Variants in ZNF385B observed in about 807,000 individuals in gnomAD.
ZNF385B encodes the protein zinc finger protein 385B, also known as zinc finger protein 533.
Under a neutral mutation model 39.2 loss-of-function variants are expected in ZNF385B, and 23 were observed. The ratio of observed to expected loss-of-function variants is 0.59; its 90% CI spans 0.42 to 0.83. The LOEUF (loss-of-function observed/expected upper bound fraction) is 0.83, where lower values mean the gene tolerates loss of function less well. ZNF385B is among the 40% of genes least tolerant of loss of function. ZNF385B has a pLI of 0.00. For synonymous variants in ZNF385B, 205 were observed against 222.6 expected (o/e 0.92, Z 0.70); for missense variants, 552 against 598.9 (o/e 0.92, Z 0.82).
chr2:179,679,727 T>C (rs1319831769), intron 3 of ZNF385B, among the ~76,000 whole-genome samples: 2 of 152,106 alleles, frequency 1.3e-5, no homozygotes, highest in African/African-American at 4.8e-5. Flanking sequence ...GTGAATCACC[T>C]CCCACCCCTA....
intron 3 of ZNF385B, among the ~76,000 whole-genome samples, chr2:179,711,120 C>T (rs891326325): frequency 2.6e-5 from 4 of 152,176 alleles, no homozygotes; most frequent in Non-Finnish European, 4.4e-5. Context: ...TGGCCCTGGA[C>T]ATCTTAACTG....
At chr2:179,770,787 A>G (rs755942128) in intron 1 of ZNF385B, 115 bp from the exon 2 acceptor site, 5 of 152,218 alleles carry the variant, frequency 3.3e-5, no homozygotes, top group Non-Finnish European at 5.9e-5. Flanking sequence ...GTTTGTTTAG[A>G]TAAGAGTACA....
At chr2:179,711,630 A>G (rs56142641) in intron 3 of ZNF385B, among the ~76,000 whole-genome samples, 30,118 of 152,024 alleles carry the variant, frequency 0.2, 3,563 homozygotes, top group East Asian at 0.5. Flanking sequence ...AGGAACATCT[A>G]AATCCCGGCC....
intron 3 of ZNF385B, among the ~76,000 whole-genome samples, chr2:179,652,302 CTAAAAACA>C (rs1235067244): frequency 2.0e-5 from 3 of 152,088 alleles, no homozygotes; most frequent in African/African-American, 7.2e-5. Flanking sequence ...CCAATGATGT[CTAAAAACA>C]TACTTTCTTC....
chr2:179,655,459 GTATTAAA>G (rs1175724150), intron 3 of ZNF385B, among the ~76,000 whole-genome samples: 1 of 149,530 alleles, frequency 6.7e-6, no homozygotes, highest in African/African-American at 2.5e-5. Context: ...GTCTCTAGAG[GTATTAAA>G]TATTAATCTT....
intron 3 of ZNF385B, among the ~76,000 whole-genome samples, chr2:179,702,186 A>G (rs1699259982): frequency 6.6e-6 from 1 of 152,212 alleles, no homozygotes; most frequent in Admixed American, 6.5e-5. Context: ...TAACATTTAG[A>G]TAATTTTAAA....
chr2:179,462,510 T>C (rs12463394), intron 6 of ZNF385B, among the ~76,000 whole-genome samples: 18,221 of 152,062 alleles, frequency 0.12, 1,449 homozygotes, highest in East Asian at 0.33. Flanking sequence ...AAAATACAAC[T>C]GATAGAAGCC....
In ZNF385B at chr2:179,760,768, C is replaced by G. The variant is rs140302710; in HGVS notation, c.298+8735G>C. 7.6e-3 allele frequency among the ~76,000 whole-genome samples: 1,153 copies of G among 152,256 alleles called. 13 individuals carry two copies. Among genetic ancestry groups the G allele is most frequent in the Non-Finnish European group, 9.7e-3 (658 of 68,018 alleles). ...GAGATCTGAAGAAAAGACATAGACA[C>G]ACAGAGCAGAAGATGTTGTGAAAAC... On this transcript the variant is annotated intron_variant, in intron 3 of 9. Transcript: ENST00000410066.
chr2:179,757,421 G>A (rs1258407654), intron 3 of ZNF385B, among the ~76,000 whole-genome samples: 2 of 152,206 alleles, frequency 1.3e-5, no homozygotes, highest in African/African-American at 4.8e-5. Context: ...GGACCCACTT[G>A]AGGAGGCAGT....
At chr2:179,639,249 A>AAAGGG (rs71029824) in intron 3 of ZNF385B, among the ~76,000 whole-genome samples, 35 of 128,694 alleles carry the variant, frequency 2.7e-4, no homozygotes, top group Middle Eastern at 4.6e-3. Context: ...AAAAAAAAAA[A>AAAGGG]GGGGGAGAAA....
At chr2:179,509,240 T>G (rs1218277234) in intron 5 of ZNF385B, among the ~76,000 whole-genome samples, 1 of 152,210 alleles carries the variant, frequency 6.6e-6, no homozygotes, top group Non-Finnish European at 1.5e-5. Flanking sequence ...TTCTTTTTTT[T>G]CATTGATAAG....
chr2:179,451,657 T>G (rs1398674806), intron 6 of ZNF385B, among the ~76,000 whole-genome samples: 2 of 152,140 alleles, frequency 1.3e-5, no homozygotes, highest in Non-Finnish European at 2.9e-5. Flanking sequence ...TTTACCCTAT[T>G]TAGGAAATTC....
At chr2:179,561,160 AAGT>A (rs2061311705) in intron 3 of ZNF385B, among the ~76,000 whole-genome samples, 1 of 152,230 alleles carries the variant, frequency 6.6e-6, no homozygotes, top group Non-Finnish European at 1.5e-5. Flanking sequence ...ACACCACAAT[AAGT>A]AGTTTTCTAA....
chr2:179,451,354 G>C (rs2050135196), intron 6 of ZNF385B, among the ~76,000 whole-genome samples: 1 of 151,932 alleles, frequency 6.6e-6, no homozygotes, highest in Non-Finnish European at 1.5e-5. Context: ...AGAAATCTTG[G>C]GGTTTTCTTG....
At chr2:179,543,845 T>C (rs2060070187) in intron 4 of ZNF385B, among the ~76,000 whole-genome samples, 1 of 152,108 alleles carries the variant, frequency 6.6e-6, no homozygotes, top group African/African-American at 2.4e-5. Context: ...TTATTGACAA[T>C]CCTTAAGGAA....
At chr2:179,583,488 C>T (rs1686767157) in intron 3 of ZNF385B, among the ~76,000 whole-genome samples, 1 of 152,168 alleles carries the variant, frequency 6.6e-6, no homozygotes, top group East Asian at 1.9e-4. Context: ...CAAAACAACT[C>T]TATGCTTATT....
chr2:179,476,649 T>C (rs1293066041), intron 6 of ZNF385B, among the ~76,000 whole-genome samples: 1 of 152,210 alleles, frequency 6.6e-6, no homozygotes, highest in African/African-American at 2.4e-5. Flanking sequence ...ATGACAAACA[T>C]TTAACTACTA....
At chr2:179,658,842 A>G (rs551349639) in intron 3 of ZNF385B, among the ~76,000 whole-genome samples, 1 of 152,234 alleles carries the variant, frequency 6.6e-6, no homozygotes, top group South Asian at 2.1e-4. Flanking sequence ...CAGTGGCGCA[A>G]TCTCAGCTCA....
At chr2:179,778,777 A>G (rs926490050) in intron 1 of ZNF385B, among the ~76,000 whole-genome samples, 4 of 152,224 alleles carry the variant, frequency 2.6e-5, no homozygotes, top group African/African-American at 9.6e-5. Flanking sequence ...GGAAAATACA[A>G]ACAACATAAA....
Sources: allele counts gnomAD v4.1 joint callset (sites outside exome capture counted in the v4.1 genomes callset), GRCh38; gene constraint gnomAD v4.1.1; transcripts MANE v1.5; gene names NCBI Gene and HGNC (gene_info 2026-07-23, HGNC 2026-07-21).